KRIT1: variants seen among roughly 807,000 people sequenced by gnomAD.
KRIT1 encodes the protein krev interaction trapped protein 1.
In KRIT1, 45 loss-of-function variants were observed where a neutral mutation model predicts 95.8. That is an observed-to-expected ratio of 0.47 (90% CI 0.37 to 0.60). KRIT1 has a LOEUF of 0.60. KRIT1 is among the 20% of genes least tolerant of loss of function. The pLI, the probability that KRIT1 is intolerant of heterozygous loss-of-function variation, is 0.00. For missense variants in KRIT1, 788 were observed against 877.5 expected (o/e 0.90, Z 1.29); for synonymous variants, 282 against 278.8 (o/e 1.01, Z -0.11).
intron 12 of KRIT1, among the ~76,000 whole-genome samples, chr7:92,223,969 A>T (rs1245825590): frequency 6.6e-6 from 1 of 152,262 alleles, no homozygotes; most frequent in Admixed American, 6.5e-5. Flanking sequence ...AAATGAGTTA[A>T]CACTACATAG....
chr7:92,209,057 G>A (rs1365558360), intron 17 of KRIT1, among the ~76,000 whole-genome samples: 18 of 151,994 alleles, frequency 1.2e-4, no homozygotes, highest in Non-Finnish European at 2.9e-5. Context: ...ATTAATAAAT[G>A]TGATACAATC....
rs779351441 is a variant in KRIT1, at chr7:92,234,623, C to T, written c.846-31G>A. 8 of 1,585,176 alleles carry T rather than the reference C, an allele frequency of 5.0e-6. No homozygotes were observed. In the Admixed American group the frequency reaches 6.7e-5, roughly 13 times the overall value. On this transcript the variant is annotated intron_variant, in intron 9 of 18. Transcript: ENST00000394505. ...CATTAAAAAGAAATTTTGAAAAATA[C>T]AACAGGACTGTAAAAATTGTTTCAA...
rs1235190352 is a variant in KRIT1 at position 92,214,597 on chromosome 7, T to C, written c.1730+14A>G. On this transcript the variant is annotated intron_variant, in intron 15 of 18. Transcript: ENST00000394505. ...AAGCATAGCACAAGACCATGCATAA[T>C]ATTAAATACTTACTTTAGGAAACCT... 6.3e-7 allele frequency: 1 copy of C among 1,583,750 alleles called. No individual in the cohort carries two copies. The highest frequency in any genetic ancestry group is 8.7e-7 in the Non-Finnish European group (1 of 1,152,738).
At position 92,222,056 on chromosome 7, in the gene KRIT1, G is replaced by A; in HGVS notation, c.1412-3C>T. 6.2e-7 allele frequency: 1 copy of A among 1,610,006 alleles called. No homozygotes were observed. Among genetic ancestry groups the A allele is most frequent in the Non-Finnish European group, 8.5e-7 (1 of 1,176,402 alleles). ...ATGATATGGTTTGAGTTGAAGGCCT[G>A]AAAAACATCATTCCTTTTATAAATG... On this transcript the variant is annotated splice_polypyrimidine_tract_variant and splice_region_variant and intron_variant, in intron 13 of 18. Coordinates refer to ENST00000394505, the MANE Select transcript of KRIT1 (RefSeq NM_194454.3).
At chr7:92,237,611 A>T in intron 6 of KRIT1, 56 bp downstream of exon 6, 4 of 962,782 alleles carry the variant, frequency 4.2e-6, no homozygotes, top group Non-Finnish European at 6.7e-6. Context: ...TCCTCAATAG[A>T]CCTTTACTTA....
chr7:92,200,019 G>A lies in KRIT1; in HGVS notation c.*717C>T, dbSNP rs922810527. 6 of 152,622 alleles carry A rather than the reference G, an allele frequency of 3.9e-5. No individual in the cohort carries two copies. Among genetic ancestry groups the A allele is most frequent in the African/African-American group, 1.4e-4 (6 of 41,466 alleles). 9.5% of individuals were successfully genotyped at this position (152,622 alleles called of 1,614,324 possible). On this transcript the variant is annotated 3_prime_UTR_variant, in exon 19 of 19. Coordinates refer to ENST00000394505, the MANE Select transcript of KRIT1 (RefSeq NM_194454.3). Reference sequence around the variant, plus strand: ...TAAATAACAGTGTTATGTGGTTCAAGTAGAAAATACATTTTCTTTATTCAA... The same window carrying A: ...TAAATAACAGTGTTATGTGGTTCAAATAGAAAATACATTTTCTTTATTCAA...
At chr7:92,207,613 T>C (rs184991903) in intron 17 of KRIT1, among the ~76,000 whole-genome samples, 21 of 152,268 alleles carry the variant, frequency 1.4e-4, no homozygotes, top group South Asian at 2.1e-4. Context: ...TCCCAGCACT[T>C]TGGGAGGCCG....
chr7:92,209,410 A>G (rs2131250130), intron 17 of KRIT1, among the ~76,000 whole-genome samples: 1 of 152,310 alleles, frequency 6.6e-6, no homozygotes, highest in African/African-American at 2.4e-5. Flanking sequence ...GTAAACAGGA[A>G]GTCAAACTGT....
At chr7:92,210,243 G>GA (rs1195879945) in intron 17 of KRIT1, among the ~76,000 whole-genome samples, 1 of 151,746 alleles carries the variant, frequency 6.6e-6, no homozygotes, top group Non-Finnish European at 1.5e-5. Flanking sequence ...CCAATAGTGA[G>GA]AAAAAAAGAA....
chr7:92,222,110 C>T (rs1795262353), intron 13 of KRIT1, 57 bp from the exon 14 acceptor site: 1 of 1,326,942 alleles, frequency 7.5e-7, no homozygotes, highest in Non-Finnish European at 1.1e-6. Flanking sequence ...TATATCAATG[C>T]ATAGAAACTT....
chr7:92,214,118 T>C (rs1012063582), intron 15 of KRIT1, 139 bp from the exon 16 acceptor site: 2 of 643,804 alleles, frequency 3.1e-6, no homozygotes, highest in African/African-American at 3.7e-5. Context: ...CAGAGAACTC[T>C]AAAAATGTTA....
At position 92,237,753 on chromosome 7, in the gene KRIT1, C is replaced by T. The variant is rs747189196; in HGVS notation, c.269G>A (p.Arg90Gln). The change falls in exon 6 of 19, where the codon CGA (arginine) becomes CAA (glutamine). Residue 90 changes from arginine to glutamine, a missense_variant. Around this residue, in one of 3 missense-constraint regions of KRIT1, gnomAD observed 289 missense variants for 277.5 expected, o/e 1.04. Coordinates refer to ENST00000394505, the MANE Select transcript of KRIT1 (RefSeq NM_194454.3). ...AGGAAATTTTTTCATTAGTACAACT[C>T]GTTTTCCTAATCATTTTTAAAAAGT... ...SPANQGIRGKRVVLMKKFPLD... is the reference protein window; with the variant it reads ...SPANQGIRGKQVVLMKKFPLD... 3.8e-6 allele frequency: 6 copies of T among 1,563,080 alleles called. No individual in the cohort carries two copies. Among genetic ancestry groups the T allele is most frequent in the South Asian group, 3.3e-5 (3 of 89,894 alleles).
intron 3 of KRIT1, among the ~76,000 whole-genome samples, chr7:92,242,864 A>G (rs1272498263): frequency 1.3e-5 from 2 of 152,162 alleles, no homozygotes; most frequent in Non-Finnish European, 2.9e-5. Context: ...CACTTAGGCT[A>G]GAGTGCAGTG....
At chr7:92,245,279 A>G (rs989709145) in intron 1 of KRIT1, 108 bp from the exon 2 acceptor site, 1 of 152,078 alleles carries the variant, frequency 6.6e-6, no homozygotes, top group Admixed American at 6.5e-5. Flanking sequence ...AAAATACGTA[A>G]TCACTCTGCC....
Position 92,237,668 on chromosome 7 carries a change from T to G in KRIT1, c.354A>C (p.Lys118Asn). The change falls in exon 6 of 19, where the codon AAA (lysine) becomes AAC (asparagine). Residue 118 changes from lysine (K) to asparagine (N), a missense_variant and splice_region_variant. By Grantham distance (94) the Lys-to-Asn change is moderately conservative (BLOSUM62 0). Transcript: ENST00000394505. Reference protein sequence around the residue: ...ASLFIVPSVVKDNTKYTYTPG... With the variant: ...ASLFIVPSVVNDNTKYTYTPG... ...TTGTAAGATACATTTAGACTTTACC[T>G]TTGACAACTGATGGAACAATAAATA... 6.3e-7 allele frequency: 1 copy of G among 1,576,848 alleles called. No individual in the cohort carries two copies. Among genetic ancestry groups the G allele is most frequent in the Non-Finnish European group, 8.7e-7 (1 of 1,146,314 alleles).
At chr7:92,213,462 T>C in intron 16 of KRIT1, 61 bp from the exon 17 acceptor site, 1 of 1,089,042 alleles carries the variant, frequency 9.2e-7, no homozygotes, top group South Asian at 1.3e-5. Flanking sequence ...GTACCATTGA[T>C]AATCCAAATA....
At chr7:92,242,197 TA>T (rs913591603) in intron 3 of KRIT1, 60 bp from the exon 4 acceptor site, 64 of 913,878 alleles carry the variant, frequency 7.0e-5, no homozygotes, top group African/African-American at 1.2e-4. Flanking sequence ...GATGGCAAGA[TA>T]AAAAAAAGTA....
intron 10 of KRIT1, among the ~76,000 whole-genome samples, chr7:92,232,831 C>T (rs1435488688): frequency 1.3e-5 from 2 of 151,890 alleles, no homozygotes; most frequent in East Asian, 3.9e-4. Context: ...GTAGCTGGGA[C>T]TACAGGCACC....
intron 10 of KRIT1, among the ~76,000 whole-genome samples, chr7:92,233,152 ATCT>A (rs1364915044): frequency 1.8e-5 from 2 of 113,820 alleles, no homozygotes; most frequent in Non-Finnish European, 1.8e-5. Context: ...CAGAAAAAAG[ATCT>A]TTTTATACAC....
Sources: allele counts gnomAD v4.1 joint callset (sites outside exome capture counted in the v4.1 genomes callset), GRCh38; gene constraint gnomAD v4.1.1; regional missense constraint gnomAD v4.1.1; transcripts MANE v1.5; gene names NCBI Gene and HGNC (gene_info 2026-07-23, HGNC 2026-07-21).